Variants in PTPRO observed in about 807,000 individuals in gnomAD.
PTPRO encodes the protein receptor-type tyrosine-protein phosphatase O.
A neutral mutation model predicts 145.2 loss-of-function variants in PTPRO; 62 were observed. The observed-to-expected ratio is 0.43, with a 90% CI of 0.35 to 0.53. PTPRO has a LOEUF of 0.53. PTPRO is among the 20% of genes least tolerant of loss of function. PTPRO has a pLI of 0.01. For missense variants in PTPRO, 1,345 were observed against 1,482.7 expected (o/e 0.91, Z 1.53); for synonymous variants, 565 against 514.7 (o/e 1.10, Z -1.32).
At position 15,508,754 on chromosome 12, in the gene PTPRO, A is replaced by G. The variant is rs755736141; in HGVS notation, c.1451A>G (p.Gln484Arg). ...AAGGAGAGCCAGAGGCTTGAAAAGC[A>G]GTACTGCACTCAGGTAAAGGAGAGG... Reference protein sequence around the residue: ...KQKESQRLEKQYCTQVNSSKP... With the variant: ...KQKESQRLEKRYCTQVNSSKP... The change falls in exon 7 of 27, where the codon CAG becomes CGG. Residue 484 changes from glutamine to arginine, a missense_variant. Around this residue, in one of 3 missense-constraint regions of PTPRO, gnomAD observed 1,130 missense variants for 1,214.7 expected, o/e 0.93. Coordinates refer to ENST00000281171, the MANE Select transcript of PTPRO (RefSeq NM_030667.3). 8 of 1,613,972 alleles carry G rather than the reference A, an allele frequency of 5.0e-6. No individual in the cohort carries two copies. The highest frequency in any genetic ancestry group is 1.7e-5 in the Admixed American group (1 of 60,006).
At chr12:15,477,885 G>A (rs111623004) in intron 1 of PTPRO, among the ~76,000 whole-genome samples, 9 of 152,250 alleles carry the variant, frequency 5.9e-5, no homozygotes, top group African/African-American at 2.2e-4. Context: ...GGTATCTCTT[G>A]CACAGCTGTG....
At chr12:15,585,024 C>T (rs565514216) in intron 23 of PTPRO, among the ~76,000 whole-genome samples, 1 of 152,228 alleles carries the variant, frequency 6.6e-6, no homozygotes, top group Non-Finnish European at 1.5e-5. Context: ...GACTTTGTGC[C>T]CTGCTATTCA....
intron 1 of PTPRO, among the ~76,000 whole-genome samples, chr12:15,365,006 C>T (rs1276607025): frequency 2.0e-5 from 3 of 152,086 alleles, no homozygotes; most frequent in Admixed American, 6.6e-5. Flanking sequence ...CATTCTTTAT[C>T]GTTTCTTCTT....
intron 15 of PTPRO, among the ~76,000 whole-genome samples, chr12:15,554,718 G>A (rs1002220963): frequency 2.6e-5 from 4 of 151,964 alleles, no homozygotes; most frequent in Non-Finnish European, 5.9e-5. Context: ...ATTAAGGGTG[G>A]GTCTGCCTTT....
At chr12:15,372,865 T>A (rs948451650) in intron 1 of PTPRO, among the ~76,000 whole-genome samples, 9 of 152,186 alleles carry the variant, frequency 5.9e-5, no homozygotes, top group Non-Finnish European at 1.3e-4. Context: ...GTGTCCATAA[T>A]TTATGTAGGC....
chr12:15,441,548 CA>C (rs1402061752), intron 1 of PTPRO, among the ~76,000 whole-genome samples: 1 of 151,942 alleles, frequency 6.6e-6, no homozygotes, highest in Non-Finnish European at 1.5e-5. Flanking sequence ...AAAATTCATA[CA>C]AAGTATCAAC....
chr12:15,498,092 T>G, intron 3 of PTPRO, among the ~76,000 whole-genome samples: 1 of 151,218 alleles, frequency 6.6e-6, no homozygotes, highest in African/African-American at 2.4e-5. Flanking sequence ...GGGTGGGAGG[T>G]AGGTAATGAT....
chr12:15,515,661 G>A, intron 8 of PTPRO, 43 bp downstream of exon 8: 1 of 1,612,184 alleles, frequency 6.2e-7, no homozygotes, highest in Non-Finnish European at 8.5e-7. Context: ...CTATATATTA[G>A]GGTATTGACG....
intron 1 of PTPRO, among the ~76,000 whole-genome samples, chr12:15,391,149 G>A (rs117479060): frequency 0.024 from 3,657 of 152,284 alleles, 58 homozygotes; most frequent in Non-Finnish European, 0.034. Flanking sequence ...GTGGGAGGAT[G>A]TAAACATTCA....
chr12:15,488,012 G>A (rs76066608), intron 2 of PTPRO, among the ~76,000 whole-genome samples: 154 of 152,142 alleles, frequency 1.0e-3, no homozygotes, highest in African/African-American at 3.6e-3. Context: ...ATAGTGTGTC[G>A]CCTCTCTCCA....
chr12:15,439,800 T>C (rs1591813175), intron 1 of PTPRO: 2 of 609,986 alleles, frequency 3.3e-6, no homozygotes, highest in East Asian at 3.4e-5. Context: ...GAATCAGATA[T>C]CATTGACTTT....
chr12:15,573,550 A>G (rs7968785), intron 19 of PTPRO, among the ~76,000 whole-genome samples: 6,390 of 152,256 alleles, frequency 0.042, 410 homozygotes, highest in African/African-American at 0.14. Flanking sequence ...TATTGGTCAT[A>G]TATGTAATTA....
chr12:15,383,966 C>T (rs999917362), intron 1 of PTPRO, among the ~76,000 whole-genome samples: 1 of 152,174 alleles, frequency 6.6e-6, no homozygotes, highest in Non-Finnish European at 1.5e-5. Context: ...AGTCTGCTGT[C>T]ATGTGATGCT....
intron 15 of PTPRO, among the ~76,000 whole-genome samples, chr12:15,553,267 A>C (rs1008515257): frequency 1.3e-5 from 2 of 152,230 alleles, no homozygotes; most frequent in African/African-American, 4.8e-5. Flanking sequence ...GACAATAAAC[A>C]ATAAAGATAT....
Position 15,514,116 on chromosome 12 carries a change from T to G in PTPRO, c.1465-1382T>G, listed in dbSNP as rs550170551. On this transcript the variant is annotated intron_variant, in intron 7 of 26. Coordinates refer to ENST00000281171, the MANE Select transcript of PTPRO (RefSeq NM_030667.3). ...TTTATTCATCTATACGTTCTCACTA[T>G]TTTTCTCTATATGGTATTTGTTACG... Among the ~76,000 whole-genome samples, 67 of 152,262 alleles carry G rather than the reference T, an allele frequency of 4.4e-4. No homozygotes were observed. The South Asian group carries it at 0.014, about 31-fold the overall frequency.
Position 15,546,609 on chromosome 12 carries a change from C to T in PTPRO, c.2205C>T (p.Thr735=), listed in dbSNP as rs756143458. 1.9e-6 allele frequency: 3 copies of T among 1,612,956 alleles called. No individual in the cohort carries two copies. Among genetic ancestry groups the T allele is most frequent in the South Asian group, 2.2e-5 (2 of 91,006 alleles). Residue 735 remains threonine (T), a synonymous_variant, in exon 13 of 27, where the codon ACC becomes ACT. Transcript: ENST00000281171. ...AATCACTCTTCGCAGTGAACAAAAC[C>T]CAGACTTCAGTGACTTTGCTGTGGG... ...PPKSLFAVNK[T]QTSVTLLWVE...
At chr12:15,558,109 A>G (rs928743471) in intron 16 of PTPRO, among the ~76,000 whole-genome samples, 9 of 151,754 alleles carry the variant, frequency 5.9e-5, no homozygotes, top group South Asian at 2.1e-4. Context: ...TAATTTTTAG[A>G]TATTTGTAGA....
At chr12:15,516,638 G>T in intron 8 of PTPRO, 125 bp from the exon 9 acceptor site, 1 of 817,916 alleles carries the variant, frequency 1.2e-6, no homozygotes, top group Non-Finnish European at 2.1e-6. Flanking sequence ...AGGAAGGAAG[G>T]GAGGGAGGGA....
intron 15 of PTPRO, among the ~76,000 whole-genome samples, chr12:15,556,104 C>T (rs1943616615): frequency 6.6e-6 from 1 of 152,224 alleles, no homozygotes; most frequent in South Asian, 2.1e-4. Context: ...TAAATATGTA[C>T]CCTTTTCCCA....
Sources: gnomAD v4.1 joint callset for allele counts (sites outside exome capture counted in the v4.1 genomes callset) on GRCh38, gnomAD v4.1.1 for gene constraint, gnomAD v4.1.1 regional missense constraint, MANE v1.5 for transcripts, NCBI Gene and HGNC (gene_info 2026-07-23, HGNC 2026-07-21) for gene names.